CSNK2A2IP: variants seen among roughly 807,000 people sequenced by gnomAD.
CSNK2A2IP encodes casein kinase 2 subunit alpha' interacting protein.
chr3:88,443,493 A>G, the CSNK2A2IP span, among the ~76,000 whole-genome samples: 2 of 152,308 alleles, frequency 1.3e-5, no homozygotes, highest in Non-Finnish European at 2.9e-5. Flanking sequence ...TATGTAGAGG[A>G]TGACTGAAAA....
the CSNK2A2IP span, among the ~76,000 whole-genome samples, chr3:88,454,074 C>T: frequency 2.0e-5 from 3 of 151,952 alleles, no homozygotes; most frequent in Non-Finnish European, 4.4e-5. Context: ...GTTTCAATTC[C>T]TCCACATCTT....
At chr3:88,348,888 A>C in the CSNK2A2IP span, among the ~76,000 whole-genome samples, 2 of 151,958 alleles carry the variant, frequency 1.3e-5, no homozygotes, top group East Asian at 1.9e-4. Flanking sequence ...GCTTGTGGAT[A>C]TATCCAATTC....
chr3:88,382,153 G>C, the CSNK2A2IP span, among the ~76,000 whole-genome samples: 1 of 152,132 alleles, frequency 6.6e-6, no homozygotes, highest in Non-Finnish European at 1.5e-5. Flanking sequence ...CCACTACTTG[G>C]TGTAGGATAT....
chr3:88,372,517 A>T, the CSNK2A2IP span, among the ~76,000 whole-genome samples: 1 of 151,544 alleles, frequency 6.6e-6, no homozygotes, highest in East Asian at 1.9e-4. Context: ...AGAAAAGTTA[A>T]GTTATATGAC....
the CSNK2A2IP span, among the ~76,000 whole-genome samples, chr3:88,348,478 T>C: frequency 6.6e-6 from 1 of 152,024 alleles, no homozygotes. Flanking sequence ...CAGAAGACAC[T>C]ATAGAAAATA....
the CSNK2A2IP span, among the ~76,000 whole-genome samples, chr3:88,422,131 A>T: frequency 6.6e-6 from 1 of 152,192 alleles, no homozygotes; most frequent in Non-Finnish European, 1.5e-5. Context: ...AACTTTTATT[A>T]GACTTTTTTT....
At chr3:88,419,313 A>T in the CSNK2A2IP span, among the ~76,000 whole-genome samples, 12 of 152,186 alleles carry the variant, frequency 7.9e-5, no homozygotes, top group South Asian at 2.5e-3. Context: ...TTTTGTGTCC[A>T]TGTGTACTCA....
At chr3:88,434,702 A>G in the CSNK2A2IP span, among the ~76,000 whole-genome samples, 1 of 152,160 alleles carries the variant, frequency 6.6e-6, no homozygotes, top group African/African-American at 2.4e-5. Flanking sequence ...CTACTTTAAC[A>G]GTTATTTCAA....
At chr3:88,397,255 A>G in the CSNK2A2IP span, among the ~76,000 whole-genome samples, 1 of 152,186 alleles carries the variant, frequency 6.6e-6, no homozygotes, top group Non-Finnish European at 1.5e-5. Context: ...AGTGTATTTC[A>G]GCTAGAAGTA....
At chr3:88,416,352 A>G in the CSNK2A2IP span, among the ~76,000 whole-genome samples, 3 of 150,858 alleles carry the variant, frequency 2.0e-5, no homozygotes, top group Admixed American at 6.6e-5. Context: ...GGGATTCACA[A>G]AAATGCCACT....
the CSNK2A2IP span, among the ~76,000 whole-genome samples, chr3:88,371,863 A>G: frequency 1.3e-5 from 2 of 151,712 alleles, no homozygotes; most frequent in South Asian, 2.1e-4. Context: ...CTGACTTCTT[A>G]TCAGAAATAA....
At chr3:88,465,391 G>A in the CSNK2A2IP span, 1 of 1,231,600 alleles carries the variant, frequency 8.1e-7, no homozygotes, top group Non-Finnish European at 1.0e-6. Context: ...TCAACACTTT[G>A]TGCCATTAGA....
At chr3:88,360,597 A>G in the CSNK2A2IP span, among the ~76,000 whole-genome samples, 66,666 of 151,962 alleles carry the variant, frequency 0.44, 15,874 homozygotes, top group South Asian at 0.62. Context: ...ATGTAGTCGG[A>G]TCTTGTTTTC....
chr3:88,423,982 T>C, the CSNK2A2IP span, among the ~76,000 whole-genome samples: 1 of 152,158 alleles, frequency 6.6e-6, no homozygotes, highest in Non-Finnish European at 1.5e-5. Flanking sequence ...AAAATTAGGC[T>C]ACACAAACCT....
At chr3:88,433,211 G>T in the CSNK2A2IP span, among the ~76,000 whole-genome samples, 7 of 151,742 alleles carry the variant, frequency 4.6e-5, no homozygotes, top group Non-Finnish European at 1.0e-4. Flanking sequence ...TACTGATCCC[G>T]ACTTAATAAG....
chr3:88,459,280 C>T, the CSNK2A2IP span, among the ~76,000 whole-genome samples: 5 of 152,092 alleles, frequency 3.3e-5, no homozygotes, highest in South Asian at 1.0e-3. Context: ...AATAGGATAC[C>T]TGTGTTTTTA....
the CSNK2A2IP span, among the ~76,000 whole-genome samples, chr3:88,459,674 A>T: frequency 6.6e-6 from 1 of 152,094 alleles, no homozygotes; most frequent in Non-Finnish European, 1.5e-5. Context: ...CTACCATGTG[A>T]ATAGTTTGTT....
the CSNK2A2IP span, chr3:88,382,645 G>C: frequency 6.6e-6 from 1 of 152,094 alleles, no homozygotes; most frequent in East Asian, 1.9e-4. Context: ...CAAACCCATA[G>C]CTGGTTGGAA....
chr3:88,386,721 T>A, the CSNK2A2IP span, among the ~76,000 whole-genome samples: 1 of 152,194 alleles, frequency 6.6e-6, no homozygotes, highest in Non-Finnish European at 1.5e-5. Context: ...AAACATGTGG[T>A]GGTTAGTGAA....
Sources: allele counts gnomAD v4.1 joint callset (sites outside exome capture counted in the v4.1 genomes callset), GRCh38; gene constraint gnomAD v4.1.1; transcripts MANE v1.5; gene names NCBI Gene and HGNC (gene_info 2026-07-23, HGNC 2026-07-21).